Variants in GRID2 observed in about 807,000 individuals in gnomAD.
GRID2 encodes the protein glutamate ionotropic receptor delta type subunit 2, also known as glutamate receptor ionotropic, delta-2.
In GRID2, 33 loss-of-function variants were observed where a neutral mutation model predicts 114.8. The observed-to-expected ratio is 0.29, with a 90% CI of 0.22 to 0.38. The LOEUF (loss-of-function observed/expected upper bound fraction) is 0.38. Ranked by LOEUF, GRID2 falls within the 10% of genes least tolerant of loss-of-function variation. The pLI is 1.00. For synonymous variants in GRID2, 505 were observed against 449.9 expected, an observed-to-expected ratio of 1.12 and a Z score of -1.55; for missense variants, 1,184 against 1,257.7, an observed-to-expected ratio of 0.94 and a Z score of 0.89.
intron 1 of GRID2, among the ~76,000 whole-genome samples, chr4:92,477,310 G>T (rs1302940314): frequency 2.0e-5 from 3 of 151,908 alleles, no homozygotes; most frequent in African/African-American, 7.3e-5. Flanking sequence ...GTATTACTGT[G>T]GAGAAAGTTG....
intron 1 of GRID2, among the ~76,000 whole-genome samples, chr4:92,486,240 A>G (rs1470017473): frequency 8.6e-5 from 13 of 151,754 alleles, no homozygotes; most frequent in Admixed American, 8.5e-4. Flanking sequence ...CACCTTTATC[A>G]TCCCATTAGA....
chr4:92,630,918 AAAAT>A (rs1440449205), intron 2 of GRID2, among the ~76,000 whole-genome samples: 3 of 152,078 alleles, frequency 2.0e-5, no homozygotes, highest in Non-Finnish European at 2.9e-5. Flanking sequence ...ATTGTGAACT[AAAAT>A]AAATAACAAA....
At chr4:93,131,919 C>A (rs1734841843) in intron 4 of GRID2, among the ~76,000 whole-genome samples, 1 of 152,240 alleles carries the variant, frequency 6.6e-6, no homozygotes, top group Non-Finnish European at 1.5e-5. Context: ...TAAACCGGGT[C>A]TCCTAGAATA....
At chr4:92,975,449 A>G (rs1469485019) in intron 2 of GRID2, among the ~76,000 whole-genome samples, 2 of 152,054 alleles carry the variant, frequency 1.3e-5, no homozygotes, top group African/African-American at 4.8e-5. Context: ...TAATGGCCAC[A>G]ACATTAGTAT....
intron 2 of GRID2, among the ~76,000 whole-genome samples, chr4:92,830,170 A>G (rs1206671675): frequency 1.3e-5 from 2 of 151,996 alleles, no homozygotes; most frequent in Admixed American, 6.6e-5. Flanking sequence ...ACACTCCCAT[A>G]TTTTCTAATA....
chr4:92,340,292 G>A, intron 1 of GRID2, among the ~76,000 whole-genome samples: 1 of 152,028 alleles, frequency 6.6e-6, no homozygotes, highest in East Asian at 1.9e-4. Context: ...CCAAAAACGA[G>A]GTCTTATTCC....
chr4:92,895,012 T>A (rs986181947), intron 2 of GRID2, among the ~76,000 whole-genome samples: 1 of 152,052 alleles, frequency 6.6e-6, no homozygotes, highest in Non-Finnish European at 1.5e-5. Context: ...TTAGTTTATA[T>A]ATGTTATGTT....
At chr4:93,477,306 A>G (rs1725410603) in intron 11 of GRID2, among the ~76,000 whole-genome samples, 1 of 152,154 alleles carries the variant, frequency 6.6e-6, no homozygotes, top group African/African-American at 2.4e-5. Flanking sequence ...TAAAGATTAC[A>G]TCTGTTAAGA....
chr4:92,378,356 T>C (rs1729455385), intron 1 of GRID2, among the ~76,000 whole-genome samples: 1 of 152,136 alleles, frequency 6.6e-6, no homozygotes, highest in Non-Finnish European at 1.5e-5. Flanking sequence ...ACAACACTTT[T>C]TTGTGTATGT....
At chr4:92,980,628 A>C (rs534802215) in intron 2 of GRID2, among the ~76,000 whole-genome samples, 1 of 152,180 alleles carries the variant, frequency 6.6e-6, no homozygotes, top group Non-Finnish European at 1.5e-5. Flanking sequence ...AGGAGTCATA[A>C]TTTTTATCAT....
At chr4:92,358,694 CTT>C (rs1304995071) in intron 1 of GRID2, among the ~76,000 whole-genome samples, 3 of 151,808 alleles carry the variant, frequency 2.0e-5, no homozygotes, top group African/African-American at 7.2e-5. Context: ...CTACTACTAA[CTT>C]ATTACCAATG....
intron 2 of GRID2, among the ~76,000 whole-genome samples, chr4:92,792,324 A>G (rs1376477590): frequency 2.0e-5 from 3 of 151,746 alleles, no homozygotes; most frequent in African/African-American, 7.3e-5. Context: ...CGTTGCAGTT[A>G]GCTTTTGCCT....
intron 2 of GRID2, among the ~76,000 whole-genome samples, chr4:92,741,277 A>G (rs1184565725): frequency 6.6e-6 from 1 of 152,180 alleles, no homozygotes; most frequent in African/African-American, 2.4e-5. Context: ...TTTATAAGGC[A>G]CAAGAAACAC....
intron 2 of GRID2, among the ~76,000 whole-genome samples, chr4:93,045,532 A>G (rs1042699537): frequency 6.6e-6 from 1 of 152,182 alleles, no homozygotes; most frequent in Non-Finnish European, 1.5e-5. Flanking sequence ...TAGTAAAGAA[A>G]GAAATATTGC....
intron 2 of GRID2, among the ~76,000 whole-genome samples, chr4:92,759,256 T>G (rs2149344102): frequency 6.6e-6 from 1 of 152,344 alleles, no homozygotes; most frequent in South Asian, 2.1e-4. Flanking sequence ...TCTGGGTTTT[T>G]AAATGTGCAC....
intron 13 of GRID2, among the ~76,000 whole-genome samples, chr4:93,581,159 T>C (rs934209660): frequency 7.1e-6 from 1 of 140,918 alleles, no homozygotes; most frequent in African/African-American, 2.6e-5. Flanking sequence ...TGTGTTCTCA[T>C]TGTTCAACTC....
At chr4:92,600,375 G>A (rs909341918) in intron 2 of GRID2, among the ~76,000 whole-genome samples, 12 of 151,806 alleles carry the variant, frequency 7.9e-5, no homozygotes, top group African/African-American at 2.7e-4. Context: ...CATTCTTACA[G>A]GTCAAGGGAT....
intron 14 of GRID2, among the ~76,000 whole-genome samples, chr4:93,763,482 G>A (rs1478548736): frequency 2.0e-5 from 3 of 152,204 alleles, no homozygotes; most frequent in African/African-American, 4.8e-5. Context: ...ATATTGTTTG[G>A]TTTAGAGGAA....
intron 2 of GRID2, among the ~76,000 whole-genome samples, chr4:92,803,343 T>C (rs1740263705): frequency 6.6e-6 from 1 of 152,012 alleles, no homozygotes; most frequent in African/African-American, 2.4e-5. Flanking sequence ...ACAATGCATA[T>C]TTTGTTTCAA....
Sources: allele counts gnomAD v4.1 joint callset (sites outside exome capture counted in the v4.1 genomes callset), GRCh38; gene constraint gnomAD v4.1.1; transcripts MANE v1.5; gene names NCBI Gene and HGNC (gene_info 2026-07-23, HGNC 2026-07-21).